The following LAMA4 variants were observed in gnomAD, a reference collection of about 807,000 sequenced individuals.
LAMA4 encodes laminin subunit alpha-4.
A neutral mutation model predicts 207.1 loss-of-function variants in LAMA4; 127 were observed. That is an observed-to-expected ratio of 0.61 (90% CI 0.53 to 0.71). The LOEUF (loss-of-function observed/expected upper bound fraction) is 0.71, where lower values mean the gene tolerates loss of function less well. Ranked by LOEUF, LAMA4 falls within the 30% of genes least tolerant of loss-of-function variation. The pLI is 0.00. For synonymous variants in LAMA4, 761 were observed against 816.0 expected (o/e 0.93, Z 1.15); for missense variants, 2,093 against 2,246.5 (o/e 0.93, Z 1.38).
At chr6:112,214,807 T>C (rs1784536049) in intron 3 of LAMA4, among the ~76,000 whole-genome samples, 1 of 152,212 alleles carries the variant, frequency 6.6e-6, no homozygotes. Flanking sequence ...AATCACATGA[T>C]GTTTGTTCCT....
At chr6:112,253,521 A>G (rs1584034077) in intron 2 of LAMA4, 1 of 473,910 alleles carries the variant, frequency 2.1e-6, no homozygotes, top group East Asian at 4.2e-5. Flanking sequence ...CTTGTCTAAT[A>G]TGAGACAAAA....
intron 2 of LAMA4, among the ~76,000 whole-genome samples, chr6:112,230,094 A>G (rs1481743636): frequency 6.6e-6 from 1 of 152,210 alleles, no homozygotes; most frequent in Non-Finnish European, 1.5e-5. Context: ...TACATACAAA[A>G]TGGCTAGGAT....
chr6:112,145,578 A>G (rs1779975841), intron 18 of LAMA4, among the ~76,000 whole-genome samples: 1 of 152,178 alleles, frequency 6.6e-6, no homozygotes, highest in Non-Finnish European at 1.5e-5. Flanking sequence ...AGAGCTTCTG[A>G]TGAGAGAGCT....
At chr6:112,198,776 G>T (rs1012070671) in intron 5 of LAMA4, among the ~76,000 whole-genome samples, 1 of 152,126 alleles carries the variant, frequency 6.6e-6, no homozygotes, top group African/African-American at 2.4e-5. Context: ...AGTGGCAGAA[G>T]TTGGACAATG....
intron 23 of LAMA4, 145 bp downstream of exon 23, chr6:112,139,605 AAG>A (rs1779562794): frequency 2.1e-6 from 2 of 950,758 alleles, no homozygotes; most frequent in Non-Finnish European, 3.4e-6. Context: ...AGAACAGGTG[AAG>A]AGTTTTTTGC....
chr6:112,167,810 G>A (rs1781464706), intron 12 of LAMA4, among the ~76,000 whole-genome samples: 1 of 146,528 alleles, frequency 6.8e-6, no homozygotes, highest in South Asian at 2.2e-4. Context: ...GATGCTCACG[G>A]TCTAGTGGGG....
chr6:112,248,056 ATTG>A, intron 2 of LAMA4, among the ~76,000 whole-genome samples: 1 of 152,206 alleles, frequency 6.6e-6, no homozygotes, highest in East Asian at 1.9e-4. Context: ...ACAAAGTAGA[ATTG>A]TTGTTGCCAG....
chr6:112,193,655 T>C (rs1371213765), intron 5 of LAMA4, among the ~76,000 whole-genome samples: 15 of 152,146 alleles, frequency 9.9e-5, no homozygotes, highest in African/African-American at 3.4e-4. Flanking sequence ...TGTGAGTTTA[T>C]TTAGTTACCA....
Position 112,195,389 on chromosome 6 carries a change from C to T in LAMA4, c.504-3539G>A, listed in dbSNP as rs201395112. Among the ~76,000 whole-genome samples, 5 of 152,162 alleles carry T rather than the reference C, an allele frequency of 3.3e-5. No homozygotes were observed. In the East Asian group the frequency reaches 9.6e-4, roughly 29 times the overall value. On this transcript the variant is annotated intron_variant, in intron 5 of 38. Transcript: ENST00000230538. ...TTGAGCAAGCTAGAGAGTAAGGAAT[C>T]ATAAGAACTCTATGCAAACAACAGG...
intron 11 of LAMA4, among the ~76,000 whole-genome samples, chr6:112,173,149 T>G (rs141494578): frequency 6.6e-6 from 1 of 152,294 alleles, no homozygotes; most frequent in African/African-American, 2.4e-5. Context: ...AGTATGGTTT[T>G]TACTATTAAA....
rs138802750 is a variant in LAMA4 at position 112,201,656 on chromosome 6, G to T, written c.455C>A (p.Ala152Asp). The change falls in exon 5 of 39, where the codon GCT (alanine) becomes GAT (aspartate). Residue 152 changes from alanine to aspartate, a missense_variant. Ala to Asp is a moderately radical substitution (Grantham distance 126). This residue lies in a region of LAMA4 where 1,704 missense variants were observed against 1,788.4 expected (regional missense o/e 0.95). Transcript: ENST00000230538. Reference protein sequence around the residue: ...FAESCYRKNGAVRCICNENYA... With the variant: ...FAESCYRKNGDVRCICNENYA... ...ATTTTCGTTACAAATGCACCGAACA[G>T]CTCCATTTTTCCTATAGCAGGATTC... 7 of 1,613,794 alleles carry T rather than the reference G, an allele frequency of 4.3e-6. No homozygotes were observed. The highest frequency in any genetic ancestry group is 4.2e-6 in the Non-Finnish European group (5 of 1,179,850).
intron 25 of LAMA4, among the ~76,000 whole-genome samples, chr6:112,134,979 T>C (rs1231336625): frequency 6.6e-6 from 1 of 152,112 alleles, no homozygotes; most frequent in Non-Finnish European, 1.5e-5. Flanking sequence ...CTAGTTGACA[T>C]ACAAAGAACT....
intron 2 of LAMA4, among the ~76,000 whole-genome samples, chr6:112,228,291 G>A (rs1458670613): frequency 1.3e-5 from 2 of 152,166 alleles, no homozygotes; most frequent in East Asian, 3.9e-4. Context: ...TGTTCTTATA[G>A]TTTGCTAAAA....
intron 12 of LAMA4, among the ~76,000 whole-genome samples, chr6:112,168,428 C>G (rs1023824669): frequency 6.7e-6 from 1 of 149,110 alleles, no homozygotes; most frequent in African/African-American, 2.5e-5. Context: ...TCACTGCAAC[C>G]GCTGCCTCCC....
chr6:112,173,608 C>T (rs1554342676), intron 11 of LAMA4, among the ~76,000 whole-genome samples: 1 of 152,204 alleles, frequency 6.6e-6, no homozygotes, highest in African/African-American at 2.4e-5. Context: ...CATTGACTGA[C>T]ATCTGAGCTC....
chr6:112,134,389 C>T, intron 26 of LAMA4, 78 bp downstream of exon 26: 1 of 1,441,090 alleles, frequency 6.9e-7, no homozygotes, highest in Non-Finnish European at 9.8e-7. Flanking sequence ...GGTGCGTACA[C>T]TGTTACTAGA....
intron 2 of LAMA4, among the ~76,000 whole-genome samples, chr6:112,241,447 G>T (rs920142480): frequency 6.6e-6 from 1 of 151,830 alleles, no homozygotes; most frequent in Admixed American, 6.6e-5. Context: ...ATTAGCTGGG[G>T]TATTGCTAAG....
rs1421777163 is a variant in LAMA4 at position 112,109,693 on chromosome 6, A to G, written c.5327-111T>C. The G allele has an allele frequency of 2.7e-6, 3 of 1,090,984 alleles. 1 individual carries two copies. The highest frequency in any genetic ancestry group is 4.0e-6 in the Non-Finnish European group (3 of 743,120). The allele number at this position is 1,090,984 out of a possible 1,614,324, so 67.6% of individuals were successfully genotyped here. A position where few individuals can be genotyped will look rare whatever the true frequency, so the allele number is the denominator to read the frequency against. On this transcript the variant is annotated intron_variant, in intron 38 of 38. Coordinates refer to ENST00000230538, the MANE Select transcript of LAMA4 (RefSeq NM_001105206.3). ...TGCTCATATCATCAATATGATTTAC[A>G]TTTCAAAAATAGAACATAGTTATAA...
At chr6:112,162,948 T>C (rs969190626) in intron 13 of LAMA4, among the ~76,000 whole-genome samples, 1 of 149,586 alleles carries the variant, frequency 6.7e-6, no homozygotes, top group Non-Finnish European at 1.5e-5. Context: ...TGGCCCAGTG[T>C]CAAGTGCAGC....
Sources: allele counts gnomAD v4.1 joint callset (sites outside exome capture counted in the v4.1 genomes callset), GRCh38; gene constraint gnomAD v4.1.1; regional missense constraint gnomAD v4.1.1; transcripts MANE v1.5; gene names NCBI Gene and HGNC (gene_info 2026-07-23, HGNC 2026-07-21).